The following GRM5 variants were observed in gnomAD, a reference collection of about 807,000 sequenced individuals.
The protein encoded by GRM5 is glutamate metabotropic receptor 5.
GRM5 carries 19 observed loss-of-function variants against 83.1 expected under a neutral mutation model. That is an observed-to-expected ratio of 0.23 (90% CI 0.16 to 0.34). The LOEUF is 0.34. Ranked by LOEUF, GRM5 falls within the 10% of genes least tolerant of loss-of-function variation. GRM5 has a pLI of 1.00. For missense variants in GRM5, 1,160 were observed against 1,588.3 expected, an observed-to-expected ratio of 0.73 and a Z score of 4.58; for synonymous variants, 675 against 633.6, an observed-to-expected ratio of 1.07 and a Z score of -0.98.
chr11:88,743,812 C>G (rs71469212), intron 3 of GRM5, among the ~76,000 whole-genome samples: 23 of 152,158 alleles, frequency 1.5e-4, no homozygotes, highest in South Asian at 6.2e-4. Flanking sequence ...TATTGTAGCC[C>G]CATAAGCAGC....
At chr11:88,803,289 T>C (rs1024598456) in intron 3 of GRM5, among the ~76,000 whole-genome samples, 19 of 151,660 alleles carry the variant, frequency 1.3e-4, no homozygotes, top group African/African-American at 4.1e-4. Context: ...CAAAGTATAC[T>C]ACAAGGCTAC....
At chr11:88,538,474 G>GT (rs1318462820) in intron 8 of GRM5, among the ~76,000 whole-genome samples, 1 of 152,134 alleles carries the variant, frequency 6.6e-6, no homozygotes, top group Non-Finnish European at 1.5e-5. Flanking sequence ...TATAAGAAGG[G>GT]TCTCCATAGG....
At chr11:88,802,265 G>A (rs1399847734) in intron 3 of GRM5, among the ~76,000 whole-genome samples, 1 of 151,992 alleles carries the variant, frequency 6.6e-6, no homozygotes, top group Non-Finnish European at 1.5e-5. Context: ...GTTCTACATA[G>A]CAAAGACATA....
At chr11:88,710,911 G>A (rs1295614218) in intron 3 of GRM5, among the ~76,000 whole-genome samples, 1 of 152,048 alleles carries the variant, frequency 6.6e-6, no homozygotes, top group Non-Finnish European at 1.5e-5. Context: ...GGTGAGTTGG[G>A]ACCAGGAATG....
chr11:88,745,670 A>AACTT (rs2135421309), intron 3 of GRM5, among the ~76,000 whole-genome samples: 1 of 152,304 alleles, frequency 6.6e-6, no homozygotes, highest in African/African-American at 2.4e-5. Flanking sequence ...AAAGATGGAA[A>AACTT]ACTTAAGTGT....
intron 1 of GRM5, among the ~76,000 whole-genome samples, chr11:89,060,213 T>C (rs1242478530): frequency 1.3e-5 from 2 of 152,028 alleles, no homozygotes; most frequent in African/African-American, 4.8e-5. Flanking sequence ...CTCTTTTGCG[T>C]ATGTATGTAT....
chr11:89,053,057 A>C (rs1941793808), intron 1 of GRM5, among the ~76,000 whole-genome samples: 1 of 152,134 alleles, frequency 6.6e-6, no homozygotes, highest in African/African-American at 2.4e-5. Context: ...AGATACTACC[A>C]ATGTCCATGA....
At chr11:88,952,125 A>AACAC (rs57780254) in intron 2 of GRM5, among the ~76,000 whole-genome samples, 1 of 151,120 alleles carries the variant, frequency 6.6e-6, no homozygotes, top group Admixed American at 6.6e-5. Context: ...CATACAAACA[A>AACAC]ACACACACAC....
chr11:88,984,599 G>A (rs1443285875), intron 2 of GRM5: 1 of 453,030 alleles, frequency 2.2e-6, no homozygotes, highest in African/African-American at 2.0e-5. Flanking sequence ...TTAACTCTGA[G>A]AATTACCTTC....
chr11:88,522,562 G>A (rs1276548473), intron 9 of GRM5, among the ~76,000 whole-genome samples: 1 of 133,514 alleles, frequency 7.5e-6, no homozygotes, highest in African/African-American at 2.8e-5. Context: ...AGCATGGCAG[G>A]TCTCTCTTCT....
chr11:89,049,389 G>A (rs1023497001), intron 1 of GRM5, among the ~76,000 whole-genome samples: 37 of 152,156 alleles, frequency 2.4e-4, no homozygotes, highest in African/African-American at 8.7e-4. Flanking sequence ...AATTGTGTAA[G>A]AGACTTACTT....
intron 8 of GRM5, among the ~76,000 whole-genome samples, chr11:88,544,147 G>A (rs1454243497): frequency 6.6e-6 from 1 of 152,030 alleles, no homozygotes; most frequent in Non-Finnish European, 1.5e-5. Context: ...CTCCCCAGAT[G>A]CTGGTGCCAT....
chr11:88,563,651 C>T (rs1942807291), intron 8 of GRM5, among the ~76,000 whole-genome samples: 1 of 152,132 alleles, frequency 6.6e-6, no homozygotes, highest in South Asian at 2.1e-4. Flanking sequence ...CTATTTAAGC[C>T]CACATGACAT....
chr11:88,631,704 T>C (rs1938974751), intron 4 of GRM5, among the ~76,000 whole-genome samples: 1 of 152,144 alleles, frequency 6.6e-6, no homozygotes, highest in Non-Finnish European at 1.5e-5. Context: ...CTTACCTGAG[T>C]CATCTGAGAG....
chr11:89,065,404 T>G (rs1942081311), intron 1 of GRM5, among the ~76,000 whole-genome samples: 1 of 151,800 alleles, frequency 6.6e-6, no homozygotes, highest in Admixed American at 6.6e-5. Context: ...CCTCTGTTTT[T>G]TTTTTTTAGT....
intron 5 of GRM5, among the ~76,000 whole-genome samples, chr11:88,602,736 G>T (rs1938034612): frequency 6.6e-6 from 1 of 152,184 alleles, no homozygotes; most frequent in African/African-American, 2.4e-5. Flanking sequence ...TTACTAGACT[G>T]TGTTTTTGGG....
intron 2 of GRM5, among the ~76,000 whole-genome samples, chr11:88,865,800 T>A (rs1944652719): frequency 6.6e-6 from 1 of 151,744 alleles, no homozygotes; most frequent in Non-Finnish European, 1.5e-5. Flanking sequence ...AACAAACATA[T>A]GAAAAAAACT....
chr11:88,536,036 C>T (rs937306862), intron 8 of GRM5, among the ~76,000 whole-genome samples: 8 of 152,142 alleles, frequency 5.3e-5, no homozygotes, highest in African/African-American at 1.2e-4. Context: ...ATGGAAGAAA[C>T]ACCCTTGTTC....
chr11:88,643,157 T>A (rs1240456120), intron 4 of GRM5, among the ~76,000 whole-genome samples: 3 of 152,124 alleles, frequency 2.0e-5, no homozygotes, highest in East Asian at 3.9e-4. Context: ...TGGCACCTGC[T>A]GCTGGGGAGG....
Sources: gnomAD v4.1 joint callset for allele counts (sites outside exome capture counted in the v4.1 genomes callset) on GRCh38, gnomAD v4.1.1 for gene constraint, MANE v1.5 for transcripts, NCBI Gene and HGNC (gene_info 2026-07-23, HGNC 2026-07-21) for gene names.